Variants in TESC observed in about 807,000 individuals in gnomAD.
TESC encodes the protein calcineurin B homologous protein 3.
In TESC, 19 loss-of-function variants were observed where a neutral mutation model predicts 31.0. The observed-to-expected ratio is 0.61, with a 90% CI of 0.43 to 0.90. The LOEUF (loss-of-function observed/expected upper bound fraction) is 0.90, where lower values mean the gene tolerates loss of function less well. TESC is among the 40% of genes least tolerant of loss of function. The pLI, the probability that TESC is intolerant of heterozygous loss-of-function variation, is 0.00. For synonymous variants in TESC, 109 were observed against 114.8 expected (o/e 0.95, Z 0.32); for missense variants, 248 against 303.8 (o/e 0.82, Z 1.36).
At chr12:117,075,132 C>T (rs372406365) in intron 2 of TESC, 139 bp downstream of exon 2, 18 of 869,764 alleles carry the variant, frequency 2.1e-5, no homozygotes, top group Middle Eastern at 2.3e-4. Context: ...GGCGACGGAG[C>T]GAGACTCCAT....
At chr12:117,050,165 TC>T (rs1398507091) in intron 3 of TESC, among the ~76,000 whole-genome samples, 3 of 152,148 alleles carry the variant, frequency 2.0e-5, no homozygotes, top group African/African-American at 7.2e-5. Context: ...GAATAGTATT[TC>T]ATGACAAGTG....
intron 1 of TESC, among the ~76,000 whole-genome samples, chr12:117,082,599 T>A (rs1955164242): frequency 6.6e-6 from 1 of 152,168 alleles, no homozygotes; most frequent in Admixed American, 6.5e-5. Flanking sequence ...ACACAGCCTT[T>A]ATAAATATTT....
chr12:117,042,196 C>T (rs1379858640), intron 6 of TESC, among the ~76,000 whole-genome samples: 1 of 152,214 alleles, frequency 6.6e-6, no homozygotes, highest in African/African-American at 2.4e-5. Flanking sequence ...CCTCCAATAT[C>T]CTCATTCATG....
At chr12:117,051,526 C>T (rs1954647698) in intron 3 of TESC, among the ~76,000 whole-genome samples, 1 of 152,146 alleles carries the variant, frequency 6.6e-6, no homozygotes, top group African/African-American at 2.4e-5. Flanking sequence ...GCTTTAATAA[C>T]CTCAAAGTTC....
intron 3 of TESC, among the ~76,000 whole-genome samples, chr12:117,049,804 G>A (rs1214955928): frequency 1.3e-5 from 2 of 151,442 alleles, no homozygotes; most frequent in African/African-American, 2.4e-5. Flanking sequence ...GGGAGGCTGA[G>A]GCGAGAGAAT....
chr12:117,039,923 C>T (rs1387732098), intron 7 of TESC, among the ~76,000 whole-genome samples: 2 of 152,256 alleles, frequency 1.3e-5, no homozygotes, highest in Non-Finnish European at 1.5e-5. Context: ...AAGGCTATGC[C>T]CGCCAGCGCC....
chr12:117,056,868 A>T lies in TESC; in HGVS notation c.147T>A (p.Asn49Lys). Residue 49 changes from asparagine (N) to lysine (K), a missense_variant, in exon 3 of 8, where the codon AAT (asparagine) becomes AAA (lysine). Asn to Lys is a moderately conservative substitution (Grantham distance 94). Transcript: ENST00000335209. ...QPTIRKENFNNVPDLELNPIR... is the reference protein window; with the variant it reads ...QPTIRKENFNKVPDLELNPIR... The stretch of plus-strand genomic sequence containing the variant: ...TGGGGTTGAGCTCCAGGTCCGGGAC[A>T]TTGTTGAAGTTCTCCTTGCTGGTTT... 6.2e-7 allele frequency: 1 copy of T among 1,614,128 alleles called. No individual in the cohort carries two copies. Among genetic ancestry groups the T allele is most frequent in the Middle Eastern group, 1.6e-4 (1 of 6,062 alleles).
chr12:117,058,804 A>C (rs144291705), intron 2 of TESC, among the ~76,000 whole-genome samples: 1 of 150,956 alleles, frequency 6.6e-6, no homozygotes, highest in Non-Finnish European at 1.5e-5. Context: ...GGTGAATTTC[A>C]CAGGAGGACA....
At chr12:117,090,962 C>T (rs1955298479) in intron 1 of TESC, among the ~76,000 whole-genome samples, 1 of 152,196 alleles carries the variant, frequency 6.6e-6, no homozygotes, top group African/African-American at 2.4e-5. Context: ...TGGCCACCTG[C>T]CCTCCTCCTG....
At chr12:117,070,122 G>A (rs1954945736) in intron 2 of TESC, among the ~76,000 whole-genome samples, 2 of 152,160 alleles carry the variant, frequency 1.3e-5, no homozygotes, top group South Asian at 4.1e-4. Flanking sequence ...CACAGCCCAG[G>A]GCCTGTTGGA....
At chr12:117,049,282 C>G (rs893559659) in intron 3 of TESC, 124 bp from the exon 4 acceptor site, 54 of 1,388,136 alleles carry the variant, frequency 3.9e-5, no homozygotes, top group Non-Finnish European at 5.3e-5. Context: ...GCTGCTCTCG[C>G]CTTGCGTCTG....
chr12:117,087,118 C>T (rs190595071), intron 1 of TESC, among the ~76,000 whole-genome samples: 2 of 152,300 alleles, frequency 1.3e-5, no homozygotes, highest in East Asian at 3.9e-4. Flanking sequence ...CCTTCACCTG[C>T]CTTTTCCTTG....
intron 6 of TESC, among the ~76,000 whole-genome samples, chr12:117,042,836 T>C (rs1954504799): frequency 6.6e-6 from 1 of 152,194 alleles, no homozygotes; most frequent in African/African-American, 2.4e-5. Context: ...TCCACGCTAT[T>C]GATTCCCACG....
chr12:117,071,209 T>A (rs865851352), intron 2 of TESC, among the ~76,000 whole-genome samples: 1 of 152,204 alleles, frequency 6.6e-6, no homozygotes, highest in Non-Finnish European at 1.5e-5. Flanking sequence ...CCTCATTCCT[T>A]TGTTCTTTCA....
intron 2 of TESC, among the ~76,000 whole-genome samples, chr12:117,072,872 G>T (rs1954992593): frequency 6.6e-6 from 1 of 152,100 alleles, no homozygotes; most frequent in African/African-American, 2.4e-5. Flanking sequence ...TGAACCCCTG[G>T]GTTCAAGTGA....
intron 7 of TESC, among the ~76,000 whole-genome samples, chr12:117,039,490 T>C (rs949176469): frequency 2.0e-5 from 3 of 152,220 alleles, no homozygotes; most frequent in Admixed American, 6.5e-5. Context: ...AGCTCTTAGC[T>C]CCAAGGCATT....
intron 2 of TESC, among the ~76,000 whole-genome samples, chr12:117,066,262 A>G (rs1361750265): frequency 7.6e-6 from 1 of 132,122 alleles, no homozygotes; most frequent in South Asian, 2.5e-4. Context: ...GCTGGAGTAC[A>G]GTGGTGCGAT....
chr12:117,093,811 G>A (rs1476835415), intron 1 of TESC, among the ~76,000 whole-genome samples: 23 of 150,412 alleles, frequency 1.5e-4, no homozygotes, highest in Admixed American at 1.5e-3. Flanking sequence ...TTTCCTTCTG[G>A]CAGCTTCTTG....
chr12:117,079,110 T>A (rs1333068315), intron 1 of TESC, among the ~76,000 whole-genome samples: 5 of 152,174 alleles, frequency 3.3e-5, no homozygotes, highest in Non-Finnish European at 5.9e-5. Flanking sequence ...TTGAACTTGG[T>A]CTGTCTGGCA....
Sources: gnomAD v4.1 joint callset for allele counts (sites outside exome capture counted in the v4.1 genomes callset) on GRCh38, gnomAD v4.1.1 for gene constraint, MANE v1.5 for transcripts, NCBI Gene and HGNC (gene_info 2026-07-23, HGNC 2026-07-21) for gene names.